Variants in CAMK4 observed in about 807,000 individuals in gnomAD.
CAMK4 encodes the protein calcium/calmodulin-dependent protein kinase type IV.
In CAMK4, 22 loss-of-function variants were observed where a neutral mutation model predicts 44.9. The observed-to-expected ratio is 0.49, with a 90% CI of 0.35 to 0.70. The LOEUF (loss-of-function observed/expected upper bound fraction) is 0.70, where lower values mean the gene tolerates loss of function less well. CAMK4 is among the 30% of genes least tolerant of loss of function. The pLI, the probability that CAMK4 is intolerant of heterozygous loss-of-function variation, is 0.01. For synonymous variants in CAMK4, 218 were observed against 215.4 expected, an observed-to-expected ratio of 1.01 and a Z score of -0.11; for missense variants, 498 against 586.8, an observed-to-expected ratio of 0.85 and a Z score of 1.56.
chr5:111,432,662 G>GTGTA lies in CAMK4; in HGVS notation c.460-14023_460-14022insGTAT, dbSNP rs1245494210. Among the ~76,000 whole-genome samples the GTGTA allele has an allele frequency of 5.9e-3, 842 of 142,946 alleles. 8 individuals carry two copies. The highest frequency in any genetic ancestry group is 0.02 in the African/African-American group (767 of 38,860). 93.8% of individuals were successfully genotyped at this position (142,946 alleles called of 152,430 possible). On this transcript the variant is annotated intron_variant, in intron 5 of 10. Transcript: ENST00000282356. ...CATATATATATGTATATATGTGTGT[G>GTGTA]TATATATATATATATATATACATTT... is the stretch of plus-strand genomic sequence containing the variant.
chr5:111,409,116 G>C (rs1752540195), intron 5 of CAMK4, among the ~76,000 whole-genome samples: 1 of 152,182 alleles, frequency 6.6e-6, no homozygotes, highest in Non-Finnish European at 1.5e-5. Context: ...GCTCCACTAG[G>C]CAGTGCCCTG....
At chr5:111,444,281 A>G (rs1287768322) in intron 5 of CAMK4, among the ~76,000 whole-genome samples, 1 of 152,216 alleles carries the variant, frequency 6.6e-6, no homozygotes, top group Non-Finnish European at 1.5e-5. Flanking sequence ...TGGAAAACAA[A>G]TATTAGACGA....
At chr5:111,393,829 G>T (rs894243985) in intron 4 of CAMK4, among the ~76,000 whole-genome samples, 1 of 151,312 alleles carries the variant, frequency 6.6e-6, no homozygotes, top group Non-Finnish European at 1.5e-5. Flanking sequence ...ACAGAAGTTT[G>T]TGTAGCAAAC....
At chr5:111,297,828 C>T (rs976552275) in intron 1 of CAMK4, among the ~76,000 whole-genome samples, 2 of 152,112 alleles carry the variant, frequency 1.3e-5, no homozygotes, top group African/African-American at 4.8e-5. Flanking sequence ...ACCATGAATA[C>T]AGTGTTAATT....
intron 1 of CAMK4, among the ~76,000 whole-genome samples, chr5:111,257,851 T>C (rs1749807061): frequency 6.6e-6 from 1 of 152,152 alleles, no homozygotes; most frequent in Admixed American, 6.5e-5. Context: ...TCGCAGGACA[T>C]GGATGGACCT....
intron 5 of CAMK4, among the ~76,000 whole-genome samples, chr5:111,429,063 T>C (rs954698740): frequency 7.9e-5 from 12 of 152,092 alleles, no homozygotes; most frequent in Non-Finnish European, 1.2e-4. Flanking sequence ...ATAAACAATT[T>C]GACAGTGCAC....
At chr5:111,445,373 A>G (rs1299141849) in intron 5 of CAMK4, among the ~76,000 whole-genome samples, 2 of 152,076 alleles carry the variant, frequency 1.3e-5, no homozygotes, top group African/African-American at 4.8e-5. Context: ...GAAACCAGGG[A>G]TATTACCTTG....
chr5:111,437,262 T>A (rs1753677907), intron 5 of CAMK4, among the ~76,000 whole-genome samples: 1 of 152,248 alleles, frequency 6.6e-6, no homozygotes, highest in Non-Finnish European at 1.5e-5. Context: ...TATTTTAATA[T>A]TTTAACTTCT....
intron 1 of CAMK4, among the ~76,000 whole-genome samples, chr5:111,286,467 A>T (rs1235380167): frequency 1.3e-5 from 2 of 152,170 alleles, no homozygotes; most frequent in African/African-American, 4.8e-5. Flanking sequence ...AAGTTATGTA[A>T]CAGCTTTTAC....
intron 7 of CAMK4, among the ~76,000 whole-genome samples, chr5:111,457,018 G>C (rs1243949008): frequency 6.6e-6 from 1 of 152,090 alleles, no homozygotes; most frequent in Non-Finnish European, 1.5e-5. Flanking sequence ...TTTTGTGCTG[G>C]GAGTTCACTG....
chr5:111,259,309 T>A (rs1166364043), intron 1 of CAMK4, among the ~76,000 whole-genome samples: 2 of 152,160 alleles, frequency 1.3e-5, no homozygotes, highest in Non-Finnish European at 2.9e-5. Flanking sequence ...AAATGGAAAA[T>A]GAATTTTCAA....
At chr5:111,333,095 A>G (rs1281625920) in intron 1 of CAMK4, among the ~76,000 whole-genome samples, 2 of 151,652 alleles carry the variant, frequency 1.3e-5, no homozygotes, top group Non-Finnish European at 3.0e-5. Flanking sequence ...TATAAAAACA[A>G]TGGTATATAT....
chr5:111,228,221 T>C (rs1748290424), intron 1 of CAMK4, among the ~76,000 whole-genome samples: 1 of 151,760 alleles, frequency 6.6e-6, no homozygotes, highest in East Asian at 1.9e-4. Flanking sequence ...GAAAGATAAT[T>C]AGAACAAGAG....
At chr5:111,369,063 A>AT (rs1440007897) in intron 2 of CAMK4, among the ~76,000 whole-genome samples, 17 of 148,974 alleles carry the variant, frequency 1.1e-4, no homozygotes, top group African/African-American at 4.2e-4. Flanking sequence ...TATAATAATA[A>AT]TAATTATTAT....
At chr5:111,325,719 T>C (rs1329519850) in intron 1 of CAMK4, among the ~76,000 whole-genome samples, 1 of 152,068 alleles carries the variant, frequency 6.6e-6, no homozygotes, top group Non-Finnish European at 1.5e-5. Flanking sequence ...CACTTTTTGA[T>C]GGGGTTGTTT....
At chr5:111,279,934 C>T (rs1750937785) in intron 1 of CAMK4, among the ~76,000 whole-genome samples, 2 of 152,138 alleles carry the variant, frequency 1.3e-5, no homozygotes, top group South Asian at 4.1e-4. Context: ...TCCTGATGAG[C>T]TTTCATTGGG....
intron 1 of CAMK4, among the ~76,000 whole-genome samples, chr5:111,292,545 A>G (rs530622588): frequency 9.6e-4 from 146 of 152,252 alleles, no homozygotes; most frequent in African/African-American, 3.4e-3. Flanking sequence ...AGAAAAAGAC[A>G]TATTTTTCTC....
chr5:111,393,398 T>TC (rs1451620757), intron 4 of CAMK4, among the ~76,000 whole-genome samples: 1 of 152,164 alleles, frequency 6.6e-6, no homozygotes, highest in African/African-American at 2.4e-5. Flanking sequence ...TGAAATGTAA[T>TC]CCTCTAGAAT....
intron 5 of CAMK4, among the ~76,000 whole-genome samples, chr5:111,442,740 G>A (rs1746022804): frequency 6.8e-6 from 1 of 148,124 alleles, no homozygotes; most frequent in South Asian, 2.1e-4. Flanking sequence ...ATTTTAGAAT[G>A]TAGTATATTT....
Sources: allele counts gnomAD v4.1 joint callset (sites outside exome capture counted in the v4.1 genomes callset), GRCh38; gene constraint gnomAD v4.1.1; transcripts MANE v1.5; gene names NCBI Gene and HGNC (gene_info 2026-07-23, HGNC 2026-07-21).